Variants in CTTNBP2NL observed in about 807,000 individuals in gnomAD.
The protein encoded by CTTNBP2NL is CTTNBP2 N-terminal like, also known as CTTNBP2 N-terminal-like protein.
Under a neutral mutation model 32.5 loss-of-function variants are expected in CTTNBP2NL, and 16 were observed. That is an observed-to-expected ratio of 0.49 (90% confidence interval 0.33 to 0.75). The LOEUF (loss-of-function observed/expected upper bound fraction) is 0.75, where lower values mean the gene tolerates loss of function less well. Ranked by LOEUF, CTTNBP2NL falls within the 30% of genes least tolerant of loss-of-function variation. The pLI is 0.02. For missense variants in CTTNBP2NL, 645 were observed against 756.0 expected, an observed-to-expected ratio of 0.85 and a Z score of 1.72; for synonymous variants, 298 against 289.4, an observed-to-expected ratio of 1.03 and a Z score of -0.30.
At chr1:112,417,954 T>A (rs781715265) in intron 3 of CTTNBP2NL, among the ~76,000 whole-genome samples, 5 of 152,190 alleles carry the variant, frequency 3.3e-5, no homozygotes, top group Non-Finnish European at 5.9e-5. Context: ...CTATGGCAAC[T>A]TACCAATTTT....
At chr1:112,454,983 C>CA (rs1200780385) in intron 5 of CTTNBP2NL, among the ~76,000 whole-genome samples, 2 of 152,106 alleles carry the variant, frequency 1.3e-5, no homozygotes, top group Non-Finnish European at 2.9e-5. Context: ...ACGCCTGAAA[C>CA]AAAAATCTCA....
chr1:112,415,980 C>G, intron 2 of CTTNBP2NL, 177 bp from the exon 3 acceptor site: 1 of 522,624 alleles, frequency 1.9e-6, no homozygotes, highest in East Asian at 3.6e-5. Flanking sequence ...ATTTTACTTT[C>G]TGTTGTTGCT....
intron 2 of CTTNBP2NL, among the ~76,000 whole-genome samples, chr1:112,415,275 A>G (rs960080853): frequency 1.3e-5 from 2 of 152,198 alleles, no homozygotes; most frequent in African/African-American, 2.4e-5. Flanking sequence ...AATTAAGTCT[A>G]TTTTACTATA....
At chr1:112,438,679 G>T (rs1358429804) in intron 3 of CTTNBP2NL, among the ~76,000 whole-genome samples, 2 of 152,166 alleles carry the variant, frequency 1.3e-5, no homozygotes, top group Non-Finnish European at 2.9e-5. Flanking sequence ...TATTCAGTAT[G>T]ATGTTGGCTG....
At chr1:112,396,674 G>A (rs1287948434) in intron 1 of CTTNBP2NL, 1 of 152,274 alleles carries the variant, frequency 6.6e-6, no homozygotes, top group African/African-American at 2.4e-5. Flanking sequence ...CTGCTCGCCA[G>A]GGTGGGACTG....
At chr1:112,406,931 T>C (rs1648683011) in intron 1 of CTTNBP2NL, among the ~76,000 whole-genome samples, 1 of 152,220 alleles carries the variant, frequency 6.6e-6, no homozygotes. Context: ...CTTCAAAGTC[T>C]ATGTTGGCAG....
rs1299149995 is a variant in CTTNBP2NL at position 112,449,160 on chromosome 1, C to T, written c.318C>T (p.Ser106=). The T allele has an allele frequency of 1.2e-6, 2 of 1,604,122 alleles. No individual in the cohort carries two copies. Among genetic ancestry groups the T allele is most frequent in the African/African-American group, 2.7e-5 (2 of 74,900 alleles). Residue 106 remains serine (S), a synonymous_variant, in exon 4 of 6, where the codon AGC becomes AGT. Transcript: ENST00000271277. ...TGTCCCAGCTGGCTGCTGCTGAGAG[C>T]AGGCACCGAAAGGTAGGTTCACCTC... ...RMLSQLAAAE[S]RHRKVILDLE...
chr1:112,400,783 A>G (rs1445886821), intron 1 of CTTNBP2NL, among the ~76,000 whole-genome samples: 2 of 151,198 alleles, frequency 1.3e-5, no homozygotes, highest in African/African-American at 2.4e-5. Flanking sequence ...CAAGAGCGAA[A>G]CTCTGTCTCA....
intron 1 of CTTNBP2NL, among the ~76,000 whole-genome samples, chr1:112,397,872 A>G (rs535287911): frequency 1.3e-5 from 2 of 152,306 alleles, no homozygotes; most frequent in East Asian, 3.9e-4. Context: ...TCTTGATTAG[A>G]CTTTCTGAAG....
chr1:112,455,929 A>G lies in CTTNBP2NL; in HGVS notation c.439-2A>G. Reference sequence around the variant, plus strand: ...ATGTCTCTCTTTTCTTTTTTTTTCTAGTTGGAATTTGAAAAATCCCAAGTG... The same window carrying G: ...ATGTCTCTCTTTTCTTTTTTTTTCTGGTTGGAATTTGAAAAATCCCAAGTG... On this transcript the variant is annotated splice_acceptor_variant, in intron 5 of 5. Transcript: ENST00000271277. LOFTEE classifies it high-confidence loss of function. 6.4e-7 allele frequency: 1 copy of G among 1,568,662 alleles called. No homozygotes were observed. Among genetic ancestry groups the G allele is most frequent in the Non-Finnish European group, 8.6e-7 (1 of 1,160,842 alleles).
At chr1:112,419,157 T>C (rs1457802605) in intron 3 of CTTNBP2NL, among the ~76,000 whole-genome samples, 1 of 152,160 alleles carries the variant, frequency 6.6e-6, no homozygotes, top group Non-Finnish European at 1.5e-5. Flanking sequence ...TAGAACTTTG[T>C]TGTGTTTGGC....
Position 112,440,061 on chromosome 1 carries a change from A to G in CTTNBP2NL, c.100-8881A>G, listed in dbSNP as rs142693275. Among the ~76,000 whole-genome samples, 597 of 152,318 alleles carry G rather than the reference A, an allele frequency of 3.9e-3. 5 individuals are homozygous for G. Among genetic ancestry groups the G allele is most frequent in the Admixed American group, 6.5e-3 (99 of 15,296 alleles). ...AGTGGACTACATCTTACATAGTCAC[A>G]TCTCTGTTCCCATGTCATTACTCAC... is the stretch of plus-strand genomic sequence containing the variant. On this transcript the variant is annotated intron_variant, in intron 3 of 5. Coordinates refer to ENST00000271277, the MANE Select transcript of CTTNBP2NL (RefSeq NM_018704.3).
chr1:112,391,387 C>T (rs1172224987), upstream of CTTNBP2NL, among the ~76,000 whole-genome samples: 1 of 152,226 alleles, frequency 6.6e-6, no homozygotes, highest in African/African-American at 2.4e-5. Context: ...ACATCTAGCT[C>T]ACTCAGCACT....
At chr1:112,445,281 A>C (rs1458853073) in intron 3 of CTTNBP2NL, among the ~76,000 whole-genome samples, 2 of 152,084 alleles carry the variant, frequency 1.3e-5, no homozygotes, top group East Asian at 3.8e-4. Context: ...TTTAATGTTT[A>C]TTATTTAGGC....
chr1:112,449,465 G>A, intron 4 of CTTNBP2NL, among the ~76,000 whole-genome samples: 1 of 150,954 alleles, frequency 6.6e-6, no homozygotes, highest in Non-Finnish European at 1.5e-5. Context: ...CAAACTTTGG[G>A]GTTTGGCCAA....
chr1:112,418,367 C>G (rs1649125754), intron 3 of CTTNBP2NL, among the ~76,000 whole-genome samples: 1 of 152,026 alleles, frequency 6.6e-6, no homozygotes, highest in Admixed American at 6.6e-5. Flanking sequence ...CTTTTTCTTC[C>G]CAGAATCCTC....
intron 5 of CTTNBP2NL, among the ~76,000 whole-genome samples, chr1:112,455,372 G>A (rs902844247): frequency 1.3e-5 from 2 of 152,084 alleles, no homozygotes; most frequent in African/African-American, 4.8e-5. Context: ...GGGTGTGGTG[G>A]CGCATGACTG....
rs1418994065 is a variant in CTTNBP2NL at position 112,457,731 on chromosome 1, C to G, written c.*319C>G. 3.0e-5 allele frequency: 7 copies of G among 232,040 alleles called. No homozygotes were observed. The highest frequency in any genetic ancestry group is 5.9e-5 in the Non-Finnish European group (7 of 119,148). The allele number at this position is 232,040 out of a possible 1,614,324, so 14.4% of individuals were successfully genotyped here. A position where few individuals can be genotyped will look rare whatever the true frequency, so the allele number is the denominator to read the frequency against. On this transcript the variant is annotated 3_prime_UTR_variant, in exon 6 of 6. Coordinates refer to ENST00000271277, the MANE Select transcript of CTTNBP2NL (RefSeq NM_018704.3). Reference sequence around the variant, plus strand: ...CTATTTGAGAACTAGAATCACTCAACACTCATTTTGAATTATGCAGAAGTG... The same window carrying G: ...CTATTTGAGAACTAGAATCACTCAAGACTCATTTTGAATTATGCAGAAGTG...
At chr1:112,416,681 C>T (rs1374446289) in intron 3 of CTTNBP2NL, among the ~76,000 whole-genome samples, 1 of 151,974 alleles carries the variant, frequency 6.6e-6, no homozygotes, top group Non-Finnish European at 1.5e-5. Flanking sequence ...TTAGTAGAGA[C>T]AGGGTTTCAC....
Sources: allele counts gnomAD v4.1 joint callset (sites outside exome capture counted in the v4.1 genomes callset), GRCh38; gene constraint gnomAD v4.1.1; transcripts MANE v1.5; gene names NCBI Gene and HGNC (gene_info 2026-07-23, HGNC 2026-07-21).